Variants in ERBB3 observed in about 807,000 individuals in gnomAD.
ERBB3 encodes the protein receptor tyrosine-protein kinase erbB-3.
A neutral mutation model predicts 156.7 loss-of-function variants in ERBB3; 96 were observed. The ratio of observed to expected loss-of-function variants is 0.61; its 90% CI spans 0.52 to 0.73. The LOEUF (loss-of-function observed/expected upper bound fraction) is 0.73. Among genes scored for constraint, ERBB3 ranks in the 30% least tolerant of loss-of-function variants. The pLI, the probability that ERBB3 is intolerant of heterozygous loss-of-function variation, is 0.00. For missense variants in ERBB3, 1,406 were observed against 1,709.4 expected (o/e 0.82, Z 3.13); for synonymous variants, 567 against 632.0 (o/e 0.90, Z 1.54).
intron 17 of ERBB3, 130 bp downstream of exon 17, chr12:56,095,936 C>T: frequency 3.2e-6 from 3 of 943,338 alleles, no homozygotes; most frequent in Non-Finnish European, 3.4e-6. Context: ...CACTCCCCTC[C>T]TCTTTCCCCA....
chr12:56,094,632 A>G (rs1868833276), intron 15 of ERBB3, 76 bp downstream of exon 15: 2 of 1,518,220 alleles, frequency 1.3e-6, no homozygotes, highest in African/African-American at 1.4e-5. Context: ...GGAAGCAGAA[A>G]GAAGAGAGAG....
chr12:56,093,369 G>A lies in ERBB3; in HGVS notation c.1299G>A (p.Met433Ile). ...LYNRGFSLLIMKNLNVTSLGF... is the reference protein window; with the variant it reads ...LYNRGFSLLIIKNLNVTSLGF... Reference sequence around the variant, plus strand: ...GCCGGGGCTTCTCATTGTTGATCATGAAGAACTTGAATGTCACATCTCTGG... The same window carrying A: ...GCCGGGGCTTCTCATTGTTGATCATAAAGAACTTGAATGTCACATCTCTGG... The change falls in exon 12 of 28, where the codon ATG becomes ATA. Residue 433 changes from methionine (M) to isoleucine (I), a missense_variant. Met to Ile is a conservative substitution (Grantham distance 10). Coordinates refer to ENST00000267101, the MANE Select transcript of ERBB3 (RefSeq NM_001982.4). 6.2e-7 allele frequency: 1 copy of A among 1,613,970 alleles called. No homozygotes were observed. Among genetic ancestry groups the A allele is most frequent in the Non-Finnish European group, 8.5e-7 (1 of 1,179,988 alleles).
rs778104039 is a variant in ERBB3 at position 56,085,068 on chromosome 12, G to C, written c.308G>C (p.Arg103Pro). 6.2e-7 allele frequency: 1 copy of C among 1,613,920 alleles called. No individual in the cohort carries two copies. The highest frequency in any genetic ancestry group is 1.7e-5 in the Admixed American group (1 of 59,978). The change falls in exon 3 of 28, where the codon CGC (arginine) becomes CCC (proline). Residue 103 changes from arginine (R) to proline (P), a missense_variant. Arg to Pro is a moderately radical substitution (Grantham distance 103). Coordinates refer to ENST00000267101, the MANE Select transcript of ERBB3 (RefSeq NM_001982.4). ...TCTACTCTACCATTGCCCAACCTCCGCGTGGTGCGAGGGACCCAGGTCTAC... is the reference window on the plus strand; with the variant it reads ...TCTACTCTACCATTGCCCAACCTCCCCGTGGTGCGAGGGACCCAGGTCTAC... ...EFSTLPLPNL[R>P]VVRGTQVYDG...
intron 12 of ERBB3, 90 bp from the exon 13 acceptor site, chr12:56,093,674 A>T: frequency 2.5e-6 from 4 of 1,584,982 alleles, no homozygotes; most frequent in Non-Finnish European, 2.6e-6. Flanking sequence ...GGGGGCTGTT[A>T]GGCTGGAAGC....
rs201942735 is a variant in ERBB3 at position 56,094,137 on chromosome 12, C to T, written c.1652C>T (p.Ser551Phe). ...REFAHEAECF[S>F]CHPECQPMEG... ...TTTGCCCATGAGGCCGAATGCTTCTCCTGCCACCCGGAATGCCAACCCATG... is the reference window on the plus strand; with the variant it reads ...TTTGCCCATGAGGCCGAATGCTTCTTCTGCCACCCGGAATGCCAACCCATG... The change falls in exon 14 of 28, where the codon TCC becomes TTC. Residue 551 changes from serine (S) to phenylalanine (F), a missense_variant. Physicochemically the swap from Ser to Phe is radical, Grantham distance 155 (BLOSUM62 -2). Around this residue, in one of 3 missense-constraint regions of ERBB3, gnomAD observed 979 missense variants for 1,219.6 expected, o/e 0.80. Coordinates refer to ENST00000267101, the MANE Select transcript of ERBB3 (RefSeq NM_001982.4). 1.9e-5 allele frequency: 30 copies of T among 1,614,114 alleles called. No individual in the cohort carries two copies. The highest frequency in any genetic ancestry group is 3.3e-4 in the Middle Eastern group (2 of 6,062).
chr12:56,094,069 A>AC lies in ERBB3; in HGVS notation c.1614-22dup, dbSNP rs547752484. 1,405 of 1,577,550 alleles carry AC rather than the reference A, an allele frequency of 8.9e-4. 2 individuals are homozygous for AC. The highest frequency in any genetic ancestry group is 1.0e-3 in the Non-Finnish European group (1,186 of 1,149,972). ...GCATGAAGGTCAGGACTTGGAAGTG[A>AC]CCCCCCCCTCCCTTTATTCCCCACT... On this transcript the variant is annotated intron_variant, in intron 13 of 27. Transcript: ENST00000267101.
intron 15 of ERBB3, 62 bp downstream of exon 15, chr12:56,094,618 T>C: frequency 6.4e-7 from 1 of 1,568,166 alleles, no homozygotes. Context: ...AGAACTAGAG[T>C]GAGGGAAGCA....
At position 56,092,740 on chromosome 12, in the gene ERBB3, T is replaced by C; in HGVS notation, c.1110-7T>C. ...CCTTATTGACTGGTTTCTACTGTTC[T>C]ATTCAGAGACCCCTGGCACAAGATC... On this transcript the variant is annotated splice_polypyrimidine_tract_variant and splice_region_variant and intron_variant, in intron 9 of 27. Transcript: ENST00000267101. 2.5e-6 allele frequency: 4 copies of C among 1,611,172 alleles called. No homozygotes were observed. Among genetic ancestry groups the C allele is most frequent in the Non-Finnish European group, 3.4e-6 (4 of 1,177,282 alleles).
rs752581968 is a variant in ERBB3 at position 56,101,193 on chromosome 12, G to C, written c.3334G>C (p.Val1112Leu). 1 of 1,614,154 alleles carries C rather than the reference G, an allele frequency of 6.2e-7. No individual in the cohort carries two copies. Among genetic ancestry groups the C allele is most frequent in the Admixed American group, 1.7e-5 (1 of 60,016 alleles). ...TGSEAELQEK[V>L]SMCRSRSRSR... ...CTCTGAGGCTGAGCTCCAGGAGAAAGTGTCAATGTGTAGGAGCCGGAGCAG... is the reference window on the plus strand; with the variant it reads ...CTCTGAGGCTGAGCTCCAGGAGAAACTGTCAATGTGTAGGAGCCGGAGCAG... The change falls in exon 27 of 28, where the codon GTG (valine) becomes CTG (leucine). Residue 1112 changes from valine to leucine, a missense_variant. This residue lies in a region of ERBB3 where 415 missense variants were observed against 454.1 expected (regional missense o/e 0.91). Transcript: ENST00000267101.
rs60586767 is a variant in ERBB3 at position 56,099,692 on chromosome 12, G to A, written c.2884G>A (p.Ala962Thr). The change falls in exon 24 of 28, where the codon GCC becomes ACC. Residue 962 changes from alanine to threonine, a missense_variant. Physicochemically the swap from Ala to Thr is moderately conservative, Grantham distance 58 (BLOSUM62 0). This residue lies in a region of ERBB3 where 979 missense variants were observed against 1,219.6 expected (regional missense o/e 0.80). Transcript: ENST00000267101. Reference sequence around the variant, plus strand: ...CATTCGCCCAACCTTTAAAGAACTAGCCAATGAGTTCACCAGGATGGCCCG... The same window carrying A: ...CATTCGCCCAACCTTTAAAGAACTAACCAATGAGTTCACCAGGATGGCCCG... The part of the protein sequence containing the change: ...ENIRPTFKEL[A>T]NEFTRMARDP... 1 of 1,614,154 alleles carries A rather than the reference G, an allele frequency of 6.2e-7. No individual in the cohort carries two copies.
In ERBB3 at chr12:56,095,244, C is replaced by CT. The variant is rs777804420; in HGVS notation, c.1860-10dup. ...TCCAAGCTCTCATTTAAGGTGGTGA[C>CT]TTTCTTCCCTAGGTGTAAAGGACCA... On this transcript the variant is annotated splice_polypyrimidine_tract_variant and intron_variant, in intron 15 of 27. Transcript: ENST00000267101. 3.7e-6 allele frequency: 6 copies of CT among 1,608,562 alleles called. No individual in the cohort carries two copies. In the East Asian group the frequency reaches 1.3e-4, roughly 36 times the overall value.
rs2136809763 is a variant in ERBB3, at chr12:56,093,461, A to T, written c.1391A>T (p.Tyr464Phe). 6.2e-7 allele frequency: 1 copy of T among 1,613,994 alleles called. No homozygotes were observed. Reference protein sequence around the residue: ...IYISANRQLCYHHSLNWTKVL... With the variant: ...IYISANRQLCFHHSLNWTKVL... ...ATAAGTGCCAATAGGCAGCTCTGCT[A>T]CCACCACTCTTTGAACTGGACCAAG... The change falls in exon 12 of 28, where the codon TAC becomes TTC. Residue 464 changes from tyrosine to phenylalanine, a missense_variant. Physicochemically the swap from Tyr to Phe is conservative, Grantham distance 22. This residue lies in a region of ERBB3 where 979 missense variants were observed against 1,219.6 expected (regional missense o/e 0.80). Transcript: ENST00000267101.
intron 12 of ERBB3, 27 bp from the exon 13 acceptor site, chr12:56,093,737 T>G: frequency 6.2e-7 from 1 of 1,613,864 alleles, no homozygotes; most frequent in Non-Finnish European, 8.5e-7. Context: ...CTCAGACTCC[T>G]CTCCTAACCC....
rs1869113844 is a variant in ERBB3, at chr12:56,101,704, T to C, written c.3678T>C (p.Asp1226=). ...SLEELGYEYM[D]VGSDLSASLG... The stretch of plus-strand genomic sequence containing the variant: ...AGGAGCTGGGTTATGAGTACATGGA[T>C]GTGGGGTCAGACCTCAGTGCCTCTC... Residue 1226 remains aspartate (D), a synonymous_variant, in exon 28 of 28, where the codon GAT becomes GAC. Coordinates refer to ENST00000267101, the MANE Select transcript of ERBB3 (RefSeq NM_001982.4). The C allele has an allele frequency of 6.2e-7, 1 of 1,613,778 alleles. No individual in the cohort carries two copies. Among genetic ancestry groups the C allele is most frequent in the African/African-American group, 1.3e-5 (1 of 74,788 alleles).
At chr12:56,095,188 A>G (rs1179215553) in intron 15 of ERBB3, 69 bp from the exon 16 acceptor site, 1 of 1,190,688 alleles carries the variant, frequency 8.4e-7, no homozygotes, top group Non-Finnish European at 1.3e-6. Flanking sequence ...AAGCTTTTAT[A>G]TGTTAGGCTG....
At chr12:56,081,309 C>T (rs1303013533) in intron 1 of ERBB3, among the ~76,000 whole-genome samples, 1 of 152,218 alleles carries the variant, frequency 6.6e-6, no homozygotes, top group Non-Finnish European at 1.5e-5. Flanking sequence ...CCTCCCCCGA[C>T]TCCCATGCTA....
intron 4 of ERBB3, 64 bp from the exon 5 acceptor site, chr12:56,087,513 C>A (rs1442073922): frequency 7.4e-7 from 1 of 1,344,672 alleles, no homozygotes; most frequent in South Asian, 1.2e-5. Context: ...CATCATACCC[C>A]GTTGATTAAA....
Position 56,085,151 on chromosome 12 carries a change from C to T in ERBB3, c.391C>T (p.Leu131=), listed in dbSNP as rs761229179. Residue 131 remains leucine (L), a synonymous_variant, in exon 3 of 28, where the codon CTG becomes TTG. Transcript: ENST00000267101. ...LNYNTNSSHA[L]RQLRLTQLTE... is the part of the protein sequence containing the mutation. ...CTATAACACCAACTCCAGCCACGCT[C>T]TGCGCCAGCTCCGCTTGACTCAGCT... The T allele has an allele frequency of 6.2e-7, 1 of 1,614,168 alleles. No individual in the cohort carries two copies. The highest frequency in any genetic ancestry group is 8.5e-7 in the Non-Finnish European group (1 of 1,180,034).
chr12:56,083,684 T>C (rs774043288), intron 1 of ERBB3, 67 bp from the exon 2 acceptor site: 5 of 1,589,336 alleles, frequency 3.1e-6, no homozygotes, highest in Non-Finnish European at 4.3e-6. Context: ...GGGTGATCTT[T>C]GGGGATGGCA....
Sources: allele counts gnomAD v4.1 joint callset (sites outside exome capture counted in the v4.1 genomes callset), GRCh38; gene constraint gnomAD v4.1.1; regional missense constraint gnomAD v4.1.1; transcripts MANE v1.5; gene names NCBI Gene and HGNC (gene_info 2026-07-23, HGNC 2026-07-21).